Variants in LAMC1 observed in about 807,000 individuals in gnomAD.
LAMC1 encodes laminin subunit gamma 1, also known as laminin subunit gamma-1.
In LAMC1, 38 loss-of-function variants were observed where a neutral mutation model predicts 173.6. The ratio of observed to expected loss-of-function variants is 0.22; its 90% confidence interval spans 0.17 to 0.29. The LOEUF is 0.29. Ranked by LOEUF, LAMC1 falls within the 10% of genes least tolerant of loss-of-function variation. The pLI, the probability that LAMC1 is intolerant of heterozygous loss-of-function variation, is 1.00. For missense variants in LAMC1, 1,824 were observed against 2,051.8 expected, an observed-to-expected ratio of 0.89 and a Z score of 2.14; for synonymous variants, 746 against 749.1, an observed-to-expected ratio of 1.00 and a Z score of 0.07.
In LAMC1 at chr1:183,125,459, C is replaced by G. The variant is rs149055920; in HGVS notation, c.2710C>G (p.Gln904Glu). 34 of 1,613,752 alleles carry G rather than the reference C, an allele frequency of 2.1e-5. No homozygotes were observed. The African/African-American group carries it at 3.9e-4, about 18-fold the overall frequency. The part of the protein sequence containing the change: ...QQSSCNPVTG[Q>E]CECLPHVTGQ... Reference sequence around the variant, plus strand: ...GAGCAGCTGTAACCCCGTGACGGGGCAGTGTGAATGTTTGCCTCACGTGAC... The same window carrying G: ...GAGCAGCTGTAACCCCGTGACGGGGGAGTGTGAATGTTTGCCTCACGTGAC... Residue 904 changes from glutamine (Q) to glutamate (E), a missense_variant, in exon 15 of 28, where the codon CAG becomes GAG. Physicochemically the swap from Gln to Glu is conservative, Grantham distance 29 (BLOSUM62 2). Transcript: ENST00000258341.
chr1:183,136,747 G>A (rs998176203), intron 25 of LAMC1, among the ~76,000 whole-genome samples, 162 bp downstream of exon 25: 1 of 117,106 alleles, frequency 8.5e-6, no homozygotes, highest in Non-Finnish European at 1.9e-5. Flanking sequence ...GACTAGGCAT[G>A]AGAGTAGGTA....
At chr1:183,034,088 A>C (rs1225798527) in intron 1 of LAMC1, among the ~76,000 whole-genome samples, 1 of 152,156 alleles carries the variant, frequency 6.6e-6, no homozygotes, top group Non-Finnish European at 1.5e-5. Flanking sequence ...TTTTGATTCT[A>C]ATTAGTGGAC....
intron 5 of LAMC1, 73 bp downstream of exon 5, chr1:183,114,792 C>A: frequency 8.2e-6 from 12 of 1,462,800 alleles, no homozygotes; most frequent in African/African-American, 1.4e-5. Flanking sequence ...AGCTTTGTTT[C>A]CAAGGCATTT....
chr1:183,060,792 A>G (rs1044412715), intron 1 of LAMC1, among the ~76,000 whole-genome samples: 1 of 152,264 alleles, frequency 6.6e-6, no homozygotes, highest in African/African-American at 2.4e-5. Flanking sequence ...TTAAGTTGAT[A>G]TAACAGTATG....
At chr1:183,050,467 A>G (rs1654390190) in intron 1 of LAMC1, among the ~76,000 whole-genome samples, 1 of 149,494 alleles carries the variant, frequency 6.7e-6, no homozygotes, top group Non-Finnish European at 1.5e-5. Context: ...TATTTTTAGT[A>G]GAGAAGGGGT....
chr1:183,091,894 G>A (rs1655575184), intron 1 of LAMC1, among the ~76,000 whole-genome samples: 1 of 152,212 alleles, frequency 6.6e-6, no homozygotes, highest in Admixed American at 6.5e-5. Flanking sequence ...ATCTTGACCA[G>A]TGCCTGCCTA....
At chr1:183,058,695 T>C (rs1654664933) in intron 1 of LAMC1, among the ~76,000 whole-genome samples, 1 of 152,268 alleles carries the variant, frequency 6.6e-6, no homozygotes, top group Non-Finnish European at 1.5e-5. Flanking sequence ...AGACTGTTTA[T>C]GTAGACTTGA....
At position 183,110,267 on chromosome 1, in the gene LAMC1, T is replaced by G. The variant is rs143377297; in HGVS notation, c.855-221T>G. ...TAGCCTCAGAAATTGTTAGGGACTT[T>G]CTTTTCATACCTGGTTAATCCCTAC... On this transcript the variant is annotated intron_variant, in intron 3 of 27. Transcript: ENST00000258341. 4.5e-3 allele frequency among the ~76,000 whole-genome samples: 683 copies of G among 152,366 alleles called. 8 individuals carry two copies. The highest frequency in any genetic ancestry group is 0.016 in the African/African-American group (648 of 41,586).
At chr1:183,035,529 G>A (rs1284283980) in intron 1 of LAMC1, among the ~76,000 whole-genome samples, 1 of 152,180 alleles carries the variant, frequency 6.6e-6, no homozygotes, top group African/African-American at 2.4e-5. Flanking sequence ...TTGGGCATAT[G>A]TACTAGTTGT....
At chr1:183,083,924 A>G (rs1380444210) in intron 1 of LAMC1, among the ~76,000 whole-genome samples, 1 of 152,198 alleles carries the variant, frequency 6.6e-6, no homozygotes, top group African/African-American at 2.4e-5. Flanking sequence ...GATTGCTGTC[A>G]CTGGAAGTCA....
chr1:183,133,262 T>C (rs1311199866), intron 21 of LAMC1, 144 bp from the exon 22 acceptor site: 5 of 711,292 alleles, frequency 7.0e-6, no homozygotes, highest in Non-Finnish European at 1.2e-5. Flanking sequence ...ATATGCAAAA[T>C]GTTGGTATTA....
chr1:183,034,457 G>C (rs1465925943), intron 1 of LAMC1, among the ~76,000 whole-genome samples: 1 of 152,114 alleles, frequency 6.6e-6, no homozygotes, highest in African/African-American at 2.4e-5. Context: ...ATTTTTAGTA[G>C]AGTCGGGGTT....
Position 183,103,487 on chromosome 1 carries a change from T to C in LAMC1, c.578T>C (p.Phe193Ser), listed in dbSNP as rs534284793. 1.2e-6 allele frequency: 2 copies of C among 1,614,146 alleles called. No individual in the cohort carries two copies. Among genetic ancestry groups the C allele is most frequent in the East Asian group, 4.5e-5 (2 of 44,884 alleles). Residue 193 changes from phenylalanine to serine, a missense_variant, in exon 2 of 28, where the codon TTC becomes TCC. Phe to Ser is a radical substitution (Grantham distance 155). Coordinates refer to ENST00000258341, the MANE Select transcript of LAMC1 (RefSeq NM_002293.4). ...ENTYSKANRG[F>S]IRTGGDEQQA... ...ACCTACTCCAAGGCAAACCGCGGCT[T>C]CATCAGGACAGGAGGGGACGAGCAG...
chr1:183,047,001 G>T (rs903398166), intron 1 of LAMC1, among the ~76,000 whole-genome samples: 8 of 152,068 alleles, frequency 5.3e-5, no homozygotes, highest in Admixed American at 4.6e-4. Context: ...GATACTAACA[G>T]TTTCTTTCAG....
At chr1:183,095,376 G>A (rs1006569004) in intron 1 of LAMC1, among the ~76,000 whole-genome samples, 1 of 151,966 alleles carries the variant, frequency 6.6e-6, no homozygotes, top group Non-Finnish European at 1.5e-5. Flanking sequence ...ATAGATAAAA[G>A]CCAAACTATA....
At chr1:183,128,456 A>C in intron 17 of LAMC1, 138 bp from the exon 18 acceptor site, 3 of 557,240 alleles carry the variant, frequency 5.4e-6, no homozygotes, top group Non-Finnish European at 8.6e-6. Flanking sequence ...TAAAACTTAA[A>C]GTATAATAAT....
At chr1:183,033,870 A>AT (rs1002743732) in intron 1 of LAMC1, among the ~76,000 whole-genome samples, 1 of 151,310 alleles carries the variant, frequency 6.6e-6, no homozygotes, top group Non-Finnish European at 1.5e-5. Context: ...GGTTTTTTGT[A>AT]TTTTTTTTAG....
chr1:183,077,426 C>T (rs1449439304), intron 1 of LAMC1, among the ~76,000 whole-genome samples: 9 of 151,934 alleles, frequency 5.9e-5, no homozygotes. Context: ...TTTAATTTTT[C>T]CATAGGTTAT....
At position 183,115,554 on chromosome 1, in the gene LAMC1, A is replaced by T; in HGVS notation, c.1245A>T (p.Arg415Ser). The change falls in exon 6 of 28, where the codon AGA becomes AGT. Residue 415 changes from arginine (R) to serine (S), a missense_variant. Coordinates refer to ENST00000258341, the MANE Select transcript of LAMC1 (RefSeq NM_002293.4). Reference sequence around the variant, plus strand: ...GCACACAGTGTGATAGTTACGGCAGATGCAGCTGTAAGCCAGGAGTGATGG... The same window carrying T: ...GCACACAGTGTGATAGTTACGGCAGTTGCAGCTGTAAGCCAGGAGTGATGG... The part of the protein sequence containing the change: ...SLSTQCDSYG[R>S]CSCKPGVMGD... 6.2e-7 allele frequency: 1 copy of T among 1,614,080 alleles called. No individual in the cohort carries two copies. The highest frequency in any genetic ancestry group is 8.5e-7 in the Non-Finnish European group (1 of 1,179,932).
Sources: allele counts gnomAD v4.1 joint callset (sites outside exome capture counted in the v4.1 genomes callset), GRCh38; gene constraint gnomAD v4.1.1; transcripts MANE v1.5; gene names NCBI Gene and HGNC (gene_info 2026-07-23, HGNC 2026-07-21).